Variants in CDK19 observed in about 807,000 individuals in gnomAD.
CDK19 encodes cyclin-dependent kinase 19.
CDK19 carries 20 observed loss-of-function variants against 68.3 expected under a neutral mutation model. The ratio of observed to expected loss-of-function variants is 0.29; its 90% CI spans 0.21 to 0.43. The LOEUF (loss-of-function observed/expected upper bound fraction) is 0.43, where lower values mean the gene tolerates loss of function less well. CDK19 is among the 20% of genes least tolerant of loss of function. The pLI is 1.00. For synonymous variants in CDK19, 221 were observed against 222.8 expected, an observed-to-expected ratio of 0.99 and a Z score of 0.07; for missense variants, 339 against 623.5, an observed-to-expected ratio of 0.54 and a Z score of 4.86.
At chr6:110,660,806 G>A (rs1781575204) in intron 4 of CDK19, among the ~76,000 whole-genome samples, 1 of 152,194 alleles carries the variant, frequency 6.6e-6, no homozygotes. Flanking sequence ...ACAGGATGGG[G>A]AGCAGGGCAA....
intron 4 of CDK19, among the ~76,000 whole-genome samples, chr6:110,662,386 T>C (rs1170328521): frequency 6.6e-6 from 1 of 152,012 alleles, no homozygotes; most frequent in Non-Finnish European, 1.5e-5. Context: ...GATATGATAA[T>C]GAAAAAGAAA....
chr6:110,767,772 A>C (rs1779697253), intron 1 of CDK19, among the ~76,000 whole-genome samples: 1 of 152,170 alleles, frequency 6.6e-6, no homozygotes, highest in Non-Finnish European at 1.5e-5. Flanking sequence ...CTGGAGTATC[A>C]CATGTAACCC....
At chr6:110,628,223 CA>C (rs1410765943) in intron 6 of CDK19, among the ~76,000 whole-genome samples, 1 of 151,930 alleles carries the variant, frequency 6.6e-6, no homozygotes, top group Non-Finnish European at 1.5e-5. Context: ...AAAAAACAAA[CA>C]AAAAACTATG....
intron 1 of CDK19, among the ~76,000 whole-genome samples, chr6:110,752,760 G>C (rs1265192131): frequency 6.6e-6 from 1 of 151,650 alleles, no homozygotes; most frequent in African/African-American, 2.4e-5. Context: ...TGGAGACAGG[G>C]TCTCACTATG....
intron 1 of CDK19, among the ~76,000 whole-genome samples, chr6:110,753,466 C>G (rs1778615163): frequency 6.6e-6 from 1 of 151,818 alleles, no homozygotes; most frequent in South Asian, 2.1e-4. Context: ...TCACTACAGC[C>G]TCGACCTCCC....
chr6:110,714,206 G>T (rs1775190065), intron 2 of CDK19, among the ~76,000 whole-genome samples: 1 of 152,112 alleles, frequency 6.6e-6, no homozygotes, highest in Non-Finnish European at 1.5e-5. Flanking sequence ...TGGTGTCTGG[G>T]TTGTTTCATT....
chr6:110,805,586 C>T (rs1196191145), intron 1 of CDK19, among the ~76,000 whole-genome samples: 1 of 152,096 alleles, frequency 6.6e-6, no homozygotes, highest in Non-Finnish European at 1.5e-5. Context: ...GGAGAACCCA[C>T]CTATACAAAA....
chr6:110,729,683 C>T (rs1430965161), intron 2 of CDK19, among the ~76,000 whole-genome samples: 1 of 149,976 alleles, frequency 6.7e-6, no homozygotes, highest in Non-Finnish European at 1.5e-5. Flanking sequence ...CTCAAGTGAT[C>T]CACCTGCCTC....
intron 1 of CDK19, among the ~76,000 whole-genome samples, chr6:110,791,540 T>C (rs9481111): frequency 2.6e-5 from 4 of 152,112 alleles, no homozygotes; most frequent in African/African-American, 7.2e-5. Context: ...TAGAATATGA[T>C]TGCATTTTGG....
chr6:110,641,639 G>C (rs1182951717), intron 4 of CDK19, among the ~76,000 whole-genome samples: 1 of 89,834 alleles, frequency 1.1e-5, no homozygotes, highest in East Asian at 3.6e-4. Context: ...AAGGAGGAAA[G>C]GGAAAGAAAG....
chr6:110,690,714 A>G (rs185284411), intron 2 of CDK19, among the ~76,000 whole-genome samples: 5 of 152,346 alleles, frequency 3.3e-5, no homozygotes, highest in Non-Finnish European at 5.9e-5. Context: ...GCACATTGCT[A>G]CTACAACCAG....
At chr6:110,766,452 C>T (rs1205507942) in intron 1 of CDK19, among the ~76,000 whole-genome samples, 1 of 151,990 alleles carries the variant, frequency 6.6e-6, no homozygotes, top group African/African-American at 2.4e-5. Context: ...GTGGCAGGCC[C>T]CTGTAATCCA....
intron 1 of CDK19, among the ~76,000 whole-genome samples, chr6:110,778,936 C>G (rs999669126): frequency 6.6e-6 from 1 of 152,108 alleles, no homozygotes; most frequent in Admixed American, 6.6e-5. Context: ...GACAGTCAAG[C>G]AGACAGAAGG....
chr6:110,626,807 G>T lies in CDK19; in HGVS notation c.829C>A (p.Pro277Thr), dbSNP rs1410735559. 6.3e-7 allele frequency: 1 copy of T among 1,583,382 alleles called. No individual in the cohort carries two copies. The highest frequency in any genetic ancestry group is 8.6e-7 in the Non-Finnish European group (1 of 1,160,434). The change falls in exon 8 of 13, where the codon CCC becomes ACC. Residue 277 changes from proline (P) to threonine (T), a missense_variant. This residue lies in a region of CDK19 where 63 missense variants were observed against 156.5 expected (regional missense o/e 0.40). Transcript: ENST00000368911. ...WEDIRKMPEYPTLQKDFRRTT... is the reference protein window; with the variant it reads ...WEDIRKMPEYTTLQKDFRRTT... ...CTTCTAAAGTCTTTTTGAAGTGTGG[G>T]ATATTCTGGCATCTTTCTAATATCT...
At chr6:110,655,154 T>G (rs1431220243) in intron 4 of CDK19, among the ~76,000 whole-genome samples, 1 of 151,768 alleles carries the variant, frequency 6.6e-6, no homozygotes, top group Admixed American at 6.6e-5. Context: ...GATCACGAGG[T>G]CAGAAGTTCG....
In CDK19 at chr6:110,654,555, G is replaced by A. The variant is rs57357697; in HGVS notation, c.456+12879C>T. On this transcript the variant is annotated intron_variant, in intron 4 of 12. Coordinates refer to ENST00000368911, the MANE Select transcript of CDK19 (RefSeq NM_015076.5). ...ATTTGTTGAATGAGTAAACAAATAAGTGAATGAGCTAAATTGCCAGTGGTT... is the reference window on the plus strand; with the variant it reads ...ATTTGTTGAATGAGTAAACAAATAAATGAATGAGCTAAATTGCCAGTGGTT... Among the ~76,000 whole-genome samples, 779 of 152,342 alleles carry A rather than the reference G, an allele frequency of 5.1e-3. 6 individuals carry two copies. Among genetic ancestry groups the A allele is most frequent in the African/African-American group, 0.018 (757 of 41,582 alleles).
rs1778078287 is a variant in CDK19, at chr6:110,612,471, T to C, written c.*2064A>G. On this transcript the variant is annotated 3_prime_UTR_variant, in exon 13 of 13. Transcript: ENST00000368911. The stretch of plus-strand genomic sequence containing the variant: ...CCTTCATATTATAAGACAGTTTCAC[T>C]TGTAAGTCAATCACATGGCACAGAC... The C allele has an allele frequency of 6.6e-6, 1 of 152,568 alleles. No individual in the cohort carries two copies. The highest frequency in any genetic ancestry group is 2.4e-5 in the African/African-American group (1 of 41,442). The allele number at this position is 152,568 out of a possible 1,614,324, so 9.5% of individuals were successfully genotyped here.
At chr6:110,793,353 TG>T (rs1781725457) in intron 1 of CDK19, among the ~76,000 whole-genome samples, 1 of 152,170 alleles carries the variant, frequency 6.6e-6, no homozygotes, top group South Asian at 2.1e-4. Flanking sequence ...AATTTCTCTG[TG>T]GTGTTTTCCT....
At chr6:110,648,538 CTT>C (rs60624969) in intron 4 of CDK19, among the ~76,000 whole-genome samples, 4 of 120,212 alleles carry the variant, frequency 3.3e-5, no homozygotes, top group South Asian at 2.7e-4. Flanking sequence ...TTTTTCTTTT[CTT>C]TTTTTTTTTT....
Sources: allele counts gnomAD v4.1 joint callset (sites outside exome capture counted in the v4.1 genomes callset), GRCh38; gene constraint gnomAD v4.1.1; regional missense constraint gnomAD v4.1.1; transcripts MANE v1.5; gene names NCBI Gene and HGNC (gene_info 2026-07-23, HGNC 2026-07-21).